ELP3: variants seen among roughly 807,000 people sequenced by gnomAD.
The protein encoded by ELP3 is elongator complex protein 3.
In ELP3, 56 loss-of-function variants were observed where a neutral mutation model predicts 74.9. That is an observed-to-expected ratio of 0.75 (90% CI 0.60 to 0.93). ELP3 has a LOEUF of 0.93. Ranked by LOEUF, ELP3 falls within the 40% of genes least tolerant of loss-of-function variation. The pLI, the probability that ELP3 is intolerant of heterozygous loss-of-function variation, is 0.00. For synonymous variants in ELP3, 222 were observed against 239.8 expected (o/e 0.93, Z 0.68); for missense variants, 573 against 686.5 (o/e 0.83, Z 1.85).
At chr8:28,129,434 C>T in intron 7 of ELP3, 68 bp from the exon 8 acceptor site, 2 of 1,542,068 alleles carry the variant, frequency 1.3e-6, no homozygotes, top group Non-Finnish European at 1.8e-6. Flanking sequence ...AGAGAGAAGG[C>T]AGTTTTTTGA....
intron 10 of ELP3, among the ~76,000 whole-genome samples, chr8:28,151,937 A>C (rs1381657973): frequency 4.6e-5 from 7 of 152,228 alleles, no homozygotes; most frequent in Admixed American, 1.3e-4. Flanking sequence ...GAGTTGGCCC[A>C]TCCGGAGTGT....
intron 9 of ELP3, among the ~76,000 whole-genome samples, chr8:28,135,513 A>C (rs79642531): frequency 0.015 from 2,234 of 152,210 alleles, 49 homozygotes; most frequent in African/African-American, 0.047. Context: ...CCACCAGTCT[A>C]TGTGCTGGCT....
chr8:28,130,772 C>T, intron 8 of ELP3, among the ~76,000 whole-genome samples: 1 of 152,064 alleles, frequency 6.6e-6, no homozygotes, highest in Non-Finnish European at 1.5e-5. Context: ...AAGATTGAGG[C>T]AGAAAGAAAA....
In ELP3 at chr8:28,106,768, C is replaced by T. The variant is rs1249415287; in HGVS notation, c.314C>T (p.Thr105Ile). The T allele has an allele frequency of 6.2e-7, 1 of 1,612,136 alleles. No homozygotes were observed. The highest frequency in any genetic ancestry group is 1.7e-5 in the Admixed American group (1 of 60,002). ...KPHRCPHISF[T>I]GNICVYCPGG... is the part of the protein sequence containing the mutation. ...CACAGATGTCCACACATCAGTTTTA[C>T]AGGAAATATATGTGTGTAAGTATGG... The change falls in exon 4 of 15, where the codon ACA (threonine) becomes ATA (isoleucine). Residue 105 changes from threonine to isoleucine, a missense_variant. Coordinates refer to ENST00000256398, the MANE Select transcript of ELP3 (RefSeq NM_018091.6).
chr8:28,158,695 C>T, intron 12 of ELP3, 62 bp downstream of exon 12: 1 of 1,334,238 alleles, frequency 7.5e-7, no homozygotes. Context: ...CAACCCTGGG[C>T]CCACATATTC....
chr8:28,128,177 G>T (rs980377121), intron 7 of ELP3, among the ~76,000 whole-genome samples: 4 of 152,056 alleles, frequency 2.6e-5, no homozygotes, highest in Non-Finnish European at 5.9e-5. Flanking sequence ...GGGGTTCTAA[G>T]AATTGAGAGA....
intron 10 of ELP3, among the ~76,000 whole-genome samples, chr8:28,139,523 T>C (rs1813137957): frequency 6.6e-6 from 1 of 152,106 alleles, no homozygotes; most frequent in South Asian, 2.1e-4. Context: ...TGGAAAATAT[T>C]CAGAAAAAAC....
At chr8:28,141,938 C>A (rs527590383) in intron 10 of ELP3, among the ~76,000 whole-genome samples, 2 of 152,296 alleles carry the variant, frequency 1.3e-5, no homozygotes, top group Admixed American at 6.5e-5. Flanking sequence ...GGCATGGATC[C>A]CACAGGCAAT....
In ELP3 at chr8:28,120,052, G is replaced by A. The variant is rs551476255; in HGVS notation, c.617+6879G>A. ...TGTGGCCATTATGAATAAAACTTCAGCGTACGTTCTTGTGTAAGTCTTTTT... is the reference window on the plus strand; with the variant it reads ...TGTGGCCATTATGAATAAAACTTCAACGTACGTTCTTGTGTAAGTCTTTTT... On this transcript the variant is annotated intron_variant, in intron 7 of 14. Transcript: ENST00000256398. 3.3e-5 allele frequency among the ~76,000 whole-genome samples: 5 copies of A among 152,260 alleles called. No homozygotes were observed. The East Asian group carries it at 5.8e-4, about 18-fold the overall frequency.
chr8:28,187,741 G>A (rs1815295570), intron 14 of ELP3, among the ~76,000 whole-genome samples: 1 of 152,172 alleles, frequency 6.6e-6, no homozygotes, highest in Non-Finnish European at 1.5e-5. Context: ...TTTACAGAGA[G>A]GGAGCTTCCT....
chr8:28,108,457 C>CTTTTTTTTTTT (rs33948469), intron 5 of ELP3, among the ~76,000 whole-genome samples: 14 of 117,560 alleles, frequency 1.2e-4, no homozygotes, highest in Non-Finnish European at 2.0e-4. Flanking sequence ...ATTTTTTTTT[C>CTTTTTTTTTTT]TTTTTTTTTT....
chr8:28,093,182 T>TA lies in ELP3; in HGVS notation c.-32dup, dbSNP rs781481636. 4.3e-6 allele frequency: 7 copies of TA among 1,611,598 alleles called. No homozygotes were observed. In the African/African-American group the frequency reaches 5.3e-5, roughly 12 times the overall value. On this transcript the variant is annotated 5_prime_UTR_variant, in exon 1 of 15. Transcript: ENST00000256398. The stretch of plus-strand genomic sequence containing the variant: ...TGGTCTGAGTTTGTGGCTGCATTTT[T>TA]ATCTCTGGTGGCTCTGCTACGGCGG...
chr8:28,113,462 T>C (rs974043738), intron 7 of ELP3, among the ~76,000 whole-genome samples: 5 of 30,844 alleles, frequency 1.6e-4, no homozygotes, highest in Non-Finnish European at 2.4e-4. Context: ...GGTCCATGAA[T>C]GTCTTTTCAG....
intron 10 of ELP3, among the ~76,000 whole-genome samples, chr8:28,148,845 G>T (rs1453304784): frequency 6.6e-6 from 1 of 152,178 alleles, no homozygotes; most frequent in Middle Eastern, 3.2e-3. Context: ...ATGTTGGTCT[G>T]TAGTTGCTGT....
At chr8:28,144,123 A>G (rs183050752) in intron 10 of ELP3, among the ~76,000 whole-genome samples, 1 of 152,268 alleles carries the variant, frequency 6.6e-6, no homozygotes, top group East Asian at 1.9e-4. Flanking sequence ...TGGATTATAA[A>G]TATTGTCTTT....
chr8:28,092,092 G>A (rs1324454520), upstream of ELP3, among the ~76,000 whole-genome samples: 1 of 152,218 alleles, frequency 6.6e-6, no homozygotes, highest in Non-Finnish European at 1.5e-5. Context: ...TAAAGACTCT[G>A]CCACTCACAA....
chr8:28,163,280 T>C (rs1814173961), intron 14 of ELP3, among the ~76,000 whole-genome samples: 1 of 152,222 alleles, frequency 6.6e-6, no homozygotes, highest in African/African-American at 2.4e-5. Flanking sequence ...ATCCAGCATG[T>C]TTGTTTTCCC....
chr8:28,099,724 A>AT, intron 2 of ELP3, 104 bp from the exon 3 acceptor site: 2 of 1,251,992 alleles, frequency 1.6e-6, no homozygotes, highest in Non-Finnish European at 2.3e-6. Context: ...TGGTGAAGGG[A>AT]TTGGAGAGTG....
upstream of ELP3, chr8:28,090,482 GGTGTGTGTGTGTGTGTGTGTGTGT>G (rs34145175): frequency 6.3e-6 from 1 of 158,618 alleles, no homozygotes; most frequent in Non-Finnish European, 1.3e-5. Context: ...CTGATGGGTG[GGTGTGTGTGTGTGTGTGTGTGTGT>G]GTGTGTGTGT....
Sources: gnomAD v4.1 joint callset for allele counts (sites outside exome capture counted in the v4.1 genomes callset) on GRCh38, gnomAD v4.1.1 for gene constraint, MANE v1.5 for transcripts, NCBI Gene and HGNC (gene_info 2026-07-23, HGNC 2026-07-21) for gene names.